ABCB4: variants seen among roughly 807,000 people sequenced by gnomAD.
ABCB4 encodes ATP binding cassette subfamily B member 4.
Under a neutral mutation model 145.7 loss-of-function variants are expected in ABCB4, and 76 were observed. That is an observed-to-expected ratio of 0.52 (90% confidence interval 0.43 to 0.63). ABCB4 has a LOEUF of 0.63. ABCB4 is among the 30% of genes least tolerant of loss of function. ABCB4 has a pLI of 0.00. For synonymous variants in ABCB4, 517 were observed against 566.8 expected (o/e 0.91, Z 1.25); for missense variants, 1,234 against 1,553.1 (o/e 0.79, Z 3.45).
At chr7:87,403,479 T>C (rs1287583956) in intron 26 of ABCB4, 198 bp from the exon 27 acceptor site, 1 of 578,180 alleles carries the variant, frequency 1.7e-6, no homozygotes, top group African/African-American at 1.9e-5. Flanking sequence ...GGCTATCTTA[T>C]AATTAACTTT....
chr7:87,473,471 T>C (rs1813583591), intron 2 of ABCB4, among the ~76,000 whole-genome samples: 1 of 152,144 alleles, frequency 6.6e-6, no homozygotes, highest in Non-Finnish European at 1.5e-5. Context: ...TGCTCTCCCC[T>C]TAGATACCCA....
At chr7:87,449,924 TAAA>T (rs1219776649) in intron 8 of ABCB4, 41 bp downstream of exon 8, 4 of 1,613,712 alleles carry the variant, frequency 2.5e-6, no homozygotes, top group Non-Finnish European at 3.4e-6. Context: ...CAACAAAATG[TAAA>T]AACACATTCC....
At chr7:87,418,037 T>G (rs369374160) in intron 20 of ABCB4, among the ~76,000 whole-genome samples, 1 of 152,134 alleles carries the variant, frequency 6.6e-6, no homozygotes, top group Non-Finnish European at 1.5e-5. Context: ...CATTCCTCCT[T>G]CTCCTGTTGT....
the ABCB4 span, chr7:87,391,649 T>A: frequency 1.1e-5 from 17 of 1,612,026 alleles, no homozygotes; most frequent in Non-Finnish European, 1.4e-5. Context: ...GTACAGAGAC[T>A]ATGCGATCAT....
chr7:87,417,116 A>G (rs1414733586), intron 21 of ABCB4, among the ~76,000 whole-genome samples, 196 bp downstream of exon 21: 1 of 152,086 alleles, frequency 6.6e-6, no homozygotes, highest in Non-Finnish European at 1.5e-5. Context: ...TATAGGCTCA[A>G]CGTTTTATGT....
intron 6 of ABCB4, 52 bp from the exon 7 acceptor site, chr7:87,451,846 G>A: frequency 6.4e-7 from 1 of 1,559,764 alleles, no homozygotes. Context: ...CAGTTAGAAA[G>A]ATGAAGTAGA....
At chr7:87,465,619 C>A (rs1381971344) in intron 3 of ABCB4, among the ~76,000 whole-genome samples, 1 of 152,196 alleles carries the variant, frequency 6.6e-6, no homozygotes, top group African/African-American at 2.4e-5. Flanking sequence ...GGGTCCCTGA[C>A]CCCCGAGTAG....
chr7:87,426,756 A>G lies in ABCB4; in HGVS notation c.2058T>C (p.Asp686=), dbSNP rs368880549. Residue 686 remains aspartate (D), a synonymous_variant, in exon 16 of 28, where the codon GAT becomes GAC. Transcript: ENST00000649586. ...TAAGTGAAAAACAACTTACAAGTCC[A>G]TCGGTTTCCACATCAAGGCTCTTCT... is the stretch of plus-strand genomic sequence containing the variant. ...MCQKSLDVET[D]GLEANVPPVS... 5.7e-5 allele frequency: 92 copies of G among 1,613,778 alleles called. No individual in the cohort carries two copies. Among genetic ancestry groups the G allele is most frequent in the Non-Finnish European group, 7.8e-5 (92 of 1,179,798 alleles).
At chr7:87,460,899 AG>A (rs1354209302) in intron 4 of ABCB4, among the ~76,000 whole-genome samples, 1 of 152,152 alleles carries the variant, frequency 6.6e-6, no homozygotes, top group Non-Finnish European at 1.5e-5. Context: ...AATATGTTGT[AG>A]ATCTGTAGAT....
the ABCB4 span, among the ~76,000 whole-genome samples, chr7:87,395,968 TAAG>T: frequency 2.6e-5 from 4 of 152,192 alleles, no homozygotes; most frequent in South Asian, 2.1e-4. Flanking sequence ...CCATTGTTGT[TAAG>T]AAGAAGTCAT....
chr7:87,445,545 C>T (rs45466192), intron 9 of ABCB4, among the ~76,000 whole-genome samples: 2,301 of 152,234 alleles, frequency 0.015, 58 homozygotes, highest in African/African-American at 0.052. Context: ...TATTTTTTCA[C>T]TAGGAAAATG....
At chr7:87,452,778 A>G (rs1029859826) in intron 6 of ABCB4, 166 bp downstream of exon 6, 6 of 778,624 alleles carry the variant, frequency 7.7e-6, no homozygotes, top group African/African-American at 6.9e-5. Context: ...CCAACATGCA[A>G]TGGCATAGGC....
rs201660938 is a variant in ABCB4 at position 87,418,627 on chromosome 7, C to A, written c.2395-7G>T. On this transcript the variant is annotated splice_region_variant and splice_polypyrimidine_tract_variant and intron_variant, in intron 19 of 27. Coordinates refer to ENST00000649586, the MANE Select transcript of ABCB4 (RefSeq NM_000443.4). ...CATCAAACCAGCTCATGTCCTATGG[C>A]ATAAAATACACGTTTATGTTAGTTC... The A allele has an allele frequency of 6.2e-7, 1 of 1,612,958 alleles. No homozygotes were observed. Among genetic ancestry groups the A allele is most frequent in the Non-Finnish European group, 8.5e-7 (1 of 1,179,096 alleles).
chr7:87,427,206 T>C (rs1809897372), intron 15 of ABCB4, among the ~76,000 whole-genome samples: 1 of 151,404 alleles, frequency 6.6e-6, no homozygotes, highest in Non-Finnish European at 1.5e-5. Flanking sequence ...ATATAGGAAT[T>C]TACTTAATAT....
At chr7:87,457,959 A>G (rs953606344) in intron 4 of ABCB4, among the ~76,000 whole-genome samples, 7 of 152,176 alleles carry the variant, frequency 4.6e-5, no homozygotes, top group Admixed American at 4.6e-4. Flanking sequence ...TTGTGTTACA[A>G]ACAATCCAAT....
At chr7:87,441,488 AC>A (rs1460631152) in intron 12 of ABCB4, among the ~76,000 whole-genome samples, 1 of 152,104 alleles carries the variant, frequency 6.6e-6, no homozygotes, top group Non-Finnish European at 1.5e-5. Flanking sequence ...GAGCAGGGTT[AC>A]CTTCATATAT....
the ABCB4 span, among the ~76,000 whole-genome samples, chr7:87,389,967 GAT>G: frequency 6.6e-6 from 1 of 152,024 alleles, no homozygotes; most frequent in Non-Finnish European, 1.5e-5. Context: ...GCATTTGATT[GAT>G]ATACCTTATA....
At chr7:87,426,271 A>G (rs544349736) in intron 16 of ABCB4, among the ~76,000 whole-genome samples, 7 of 152,308 alleles carry the variant, frequency 4.6e-5, no homozygotes, top group Admixed American at 2.6e-4. Context: ...GCTTGTGTCT[A>G]TGGGGACTGT....
Position 87,418,557 on chromosome 7 carries a change from C to T in ABCB4, c.2458G>A (p.Asp820Asn). ...CCTACTCCTTGGACTTGGGCAGCAT[C>T]TGTGGCAAGTCTTGTAGAAAGTGCA... is the stretch of plus-strand genomic sequence containing the variant. ...TGALSTRLAT[D>N]AAQVQGATGT... The change falls in exon 20 of 28, where the codon GAT becomes AAT. Residue 820 changes from aspartate to asparagine, a missense_variant. Asp to Asn is a conservative substitution (Grantham distance 23). This residue lies in a region of ABCB4 where 321 missense variants were observed against 332.6 expected (regional missense o/e 0.97). Coordinates refer to ENST00000649586, the MANE Select transcript of ABCB4 (RefSeq NM_000443.4). 6.2e-7 allele frequency: 1 copy of T among 1,614,156 alleles called. No individual in the cohort carries two copies. Among genetic ancestry groups the T allele is most frequent in the Non-Finnish European group, 8.5e-7 (1 of 1,179,998 alleles).
Sources: gnomAD v4.1 joint callset for allele counts (sites outside exome capture counted in the v4.1 genomes callset) on GRCh38, gnomAD v4.1.1 for gene constraint, gnomAD v4.1.1 regional missense constraint, MANE v1.5 for transcripts, NCBI Gene and HGNC (gene_info 2026-07-23, HGNC 2026-07-21) for gene names.